Variants in LITAF observed in about 807,000 individuals in gnomAD.
LITAF encodes the protein lipopolysaccharide-induced tumor necrosis factor-alpha factor.
LITAF carries 9 observed loss-of-function variants against 14.5 expected under a neutral mutation model. The ratio of observed to expected loss-of-function variants is 0.62; its 90% CI spans 0.37 to 1.08. LITAF has a LOEUF of 1.08. Among genes scored for constraint, LITAF ranks in the 50% least tolerant of loss-of-function variants. The probability of loss-of-function intolerance (pLI) is 0.01; values close to 1 mark genes in which losing one functional copy is unlikely to be tolerated. For synonymous variants in LITAF, 98 were observed against 88.2 expected, an observed-to-expected ratio of 1.11 and a Z score of -0.62; for missense variants, 206 against 213.4, an observed-to-expected ratio of 0.97 and a Z score of 0.22.
intron 1 of LITAF, among the ~76,000 whole-genome samples, chr16:11,593,119 G>GGA (rs1235332165): frequency 2.6e-5 from 4 of 151,806 alleles, no homozygotes; most frequent in African/African-American, 9.7e-5. Context: ...TGCAGTGAGC[G>GGA]GAGATTGCGC....
At chr16:11,599,753 C>G (rs1465602391), upstream of LITAF, among the ~76,000 whole-genome samples, 2 of 152,166 alleles carry the variant, frequency 1.3e-5, no homozygotes, top group Non-Finnish European at 2.9e-5. Context: ...GCTCACTCCA[C>G]TCCAGCCACA....
upstream of LITAF, among the ~76,000 whole-genome samples, chr16:11,588,658 C>T (rs1213312329): frequency 6.6e-6 from 1 of 152,092 alleles, no homozygotes; most frequent in Non-Finnish European, 1.5e-5. Flanking sequence ...TGCCATTCCT[C>T]CATTCTCAGG....
chr16:11,597,168 C>T (rs1425312448), intron 1 of LITAF, among the ~76,000 whole-genome samples: 1 of 152,048 alleles, frequency 6.6e-6, no homozygotes, highest in African/African-American at 2.4e-5. Flanking sequence ...GTCCCAACTC[C>T]CCTGGAGTTT....
chr16:11,631,800 C>T (rs909561195), intron 3 of LITAF, among the ~76,000 whole-genome samples: 1 of 152,000 alleles, frequency 6.6e-6, no homozygotes, highest in African/African-American at 2.4e-5. Flanking sequence ...ATGATCTCAT[C>T]TCGAGATTCT....
At chr16:11,616,340 G>A (rs191302269) in intron 3 of LITAF, among the ~76,000 whole-genome samples, 2 of 152,090 alleles carry the variant, frequency 1.3e-5, no homozygotes, top group East Asian at 1.9e-4. Flanking sequence ...AGCCAGGCAT[G>A]GTAGCACGTG....
Position 11,556,441 on chromosome 16 carries a change from C to T in LITAF, c.220+70G>A, listed in dbSNP as rs538030164. The T allele has an allele frequency of 4.9e-5, 66 of 1,360,002 alleles. No individual in the cohort carries two copies. The South Asian group carries it at 6.1e-4, about 13-fold the overall frequency. 84.2% of individuals were successfully genotyped at this position (1,360,002 alleles called of 1,614,324 possible). The stretch of plus-strand genomic sequence containing the variant: ...CTTAGACTCTTTGGCAGAGTCACTT[C>T]GGTCACTCTCCTGATTCCCAGGGTG... On this transcript the variant is annotated intron_variant, in intron 2 of 3. Transcript: ENST00000622633.
At chr16:11,557,905 A>G (rs2064299057) in intron 1 of LITAF, among the ~76,000 whole-genome samples, 1 of 152,160 alleles carries the variant, frequency 6.6e-6, no homozygotes, top group South Asian at 2.1e-4. Context: ...GCCTAGAATT[A>G]CACCCTGCAC....
chr16:11,586,901 C>A lies in LITAF; in HGVS notation c.-21G>T. The stretch of plus-strand genomic sequence containing the variant: ...CCGCACTCACCGCCGCCCGCGCCGC[C>A]TGTCGAGCCGGGAGGTCTGAGCTGG... On this transcript the variant is annotated 5_prime_UTR_variant, in exon 1 of 4. The change creates a new upstream start codon in the 5' untranslated region. Coordinates refer to ENST00000622633, the MANE Select transcript of LITAF (RefSeq NM_001136472.2). The surrounding 1 kb of genome is among the most constrained non-coding windows in gnomAD (Gnocchi z 6.5). The A allele has an allele frequency of 6.6e-6, 1 of 151,172 alleles. No homozygotes were observed. Among genetic ancestry groups the A allele is most frequent in the South Asian group, 1.9e-4 (1 of 5,326 alleles). 9.4% of individuals were successfully genotyped at this position (151,172 alleles called of 1,614,324 possible). A position where few individuals can be genotyped will look rare whatever the true frequency, so the allele number is the denominator to read the frequency against.
chr16:11,564,232 C>CA, intron 1 of LITAF, among the ~76,000 whole-genome samples: 1 of 151,790 alleles, frequency 6.6e-6, no homozygotes, highest in Middle Eastern at 3.2e-3. Context: ...AAAGTGGAGG[C>CA]AAAAAACCCA....
intron 3 of LITAF, among the ~76,000 whole-genome samples, chr16:11,617,660 T>G (rs1270027817): frequency 6.6e-6 from 1 of 151,596 alleles, no homozygotes; most frequent in Non-Finnish European, 1.5e-5. Flanking sequence ...CTCCTGACCT[T>G]GTCATCCGCC....
At chr16:11,563,018 T>C (rs1029929162) in intron 1 of LITAF, among the ~76,000 whole-genome samples, 2 of 151,468 alleles carry the variant, frequency 1.3e-5, no homozygotes, top group Admixed American at 1.3e-4. Flanking sequence ...GTCCCAGCTA[T>C]TAAGGAAGCT....
At chr16:11,598,699 A>G (rs1337428581), upstream of LITAF, among the ~76,000 whole-genome samples, 27 of 152,056 alleles carry the variant, frequency 1.8e-4, no homozygotes, top group Admixed American at 1.8e-3. Context: ...CGGCCACAGG[A>G]CCTGAGCCAG....
intron 1 of LITAF, among the ~76,000 whole-genome samples, chr16:11,562,269 G>C (rs909780209): frequency 7.1e-6 from 1 of 140,494 alleles, no homozygotes; most frequent in South Asian, 2.3e-4. Flanking sequence ...AGCCGAGATC[G>C]TGTCACTGCA....
upstream of LITAF, among the ~76,000 whole-genome samples, chr16:11,601,644 A>G (rs2064926926): frequency 6.6e-6 from 1 of 152,088 alleles, no homozygotes; most frequent in East Asian, 1.9e-4. Flanking sequence ...ATCACAGCTC[A>G]CTGCAGCCTC....
At chr16:11,559,076 T>G (rs949658540) in intron 1 of LITAF, among the ~76,000 whole-genome samples, 1 of 151,946 alleles carries the variant, frequency 6.6e-6, no homozygotes, top group African/African-American at 2.4e-5. Context: ...AGTGATACCC[T>G]CTCTCTACAA....
At chr16:11,620,378 T>C (rs2065042795) in intron 3 of LITAF, among the ~76,000 whole-genome samples, 2 of 152,054 alleles carry the variant, frequency 1.3e-5, no homozygotes, top group South Asian at 4.2e-4. Context: ...CACTATCTCT[T>C]GCTCCTGTTT....
intron 3 of LITAF, among the ~76,000 whole-genome samples, chr16:11,552,733 G>C (rs567799052): frequency 6.6e-6 from 1 of 152,126 alleles, no homozygotes; most frequent in Non-Finnish European, 1.5e-5. Flanking sequence ...CAGAACACTG[G>C]GGAGCGTGGT....
At chr16:11,599,900 A>G (rs2064916923), upstream of LITAF, among the ~76,000 whole-genome samples, 1 of 152,034 alleles carries the variant, frequency 6.6e-6, no homozygotes, top group Non-Finnish European at 1.5e-5. Flanking sequence ...AACACCACTG[A>G]CCACTCTATC....
At chr16:11,640,052 G>A (rs996083347), upstream of LITAF, among the ~76,000 whole-genome samples, 8 of 152,142 alleles carry the variant, frequency 5.3e-5, no homozygotes, top group African/African-American at 1.4e-4. Flanking sequence ...GAGATTACAC[G>A]TGTGAGCCAC....
Sources: allele counts gnomAD v4.1 joint callset (sites outside exome capture counted in the v4.1 genomes callset), GRCh38; gene constraint gnomAD v4.1.1; non-coding constraint Gnocchi (gnomAD v3.1); transcripts MANE v1.5; gene names NCBI Gene and HGNC (gene_info 2026-07-23, HGNC 2026-07-21).